MAF: variants seen among roughly 807,000 people sequenced by gnomAD.
MAF encodes the protein transcription factor Maf.
A neutral mutation model predicts 22.0 loss-of-function variants in MAF; 10 were observed. The observed-to-expected ratio is 0.45, with a 90% CI of 0.28 to 0.77. MAF has a LOEUF of 0.77. Ranked by LOEUF, MAF falls within the 30% of genes least tolerant of loss-of-function variation. The pLI is 0.12. For synonymous variants in MAF, 337 were observed against 255.8 expected, an observed-to-expected ratio of 1.32 and a Z score of -3.03; for missense variants, 544 against 548.4, an observed-to-expected ratio of 0.99 and a Z score of 0.08.
the MAF span, among the ~76,000 whole-genome samples, chr16:79,541,897 C>A: frequency 1.2e-4 from 18 of 152,080 alleles, no homozygotes; most frequent in Admixed American, 7.2e-4. Context: ...CTCAAGCGAT[C>A]CACCATCCTC....
the MAF span, among the ~76,000 whole-genome samples, chr16:79,428,746 G>A: frequency 6.6e-6 from 1 of 152,184 alleles, no homozygotes; most frequent in African/African-American, 2.4e-5. Flanking sequence ...TTGGGAGGCT[G>A]AGGTGGGAGT....
At chr16:79,406,903 G>C in the MAF span, among the ~76,000 whole-genome samples, 1 of 152,160 alleles carries the variant, frequency 6.6e-6, no homozygotes, top group African/African-American at 2.4e-5. Flanking sequence ...ACATCCCAGA[G>C]CCAGTAGGGG....
At chr16:79,381,678 C>T in the MAF span, among the ~76,000 whole-genome samples, 1 of 152,172 alleles carries the variant, frequency 6.6e-6, no homozygotes, top group Non-Finnish European at 1.5e-5. Context: ...GTGTGAATCA[C>T]GTGGTTGCTA....
At chr16:79,593,258 CT>C (rs1401794647), downstream of MAF, among the ~76,000 whole-genome samples, 3 of 152,170 alleles carry the variant, frequency 2.0e-5, no homozygotes, top group African/African-American at 7.2e-5. Context: ...CAGCAAAAGC[CT>C]CCCAATGTAC....
the MAF span, among the ~76,000 whole-genome samples, chr16:79,347,189 A>C: frequency 6.6e-6 from 1 of 152,252 alleles, no homozygotes; most frequent in Non-Finnish European, 1.5e-5. Context: ...ATGAGAAAGA[A>C]GGATTCTTGC....
the MAF span, among the ~76,000 whole-genome samples, chr16:79,219,532 C>T: frequency 8.4e-6 from 1 of 119,044 alleles, no homozygotes; most frequent in South Asian, 2.8e-4. Flanking sequence ...GCCTGGGCGA[C>T]AGCGAGACTC....
the MAF span, among the ~76,000 whole-genome samples, chr16:79,343,238 A>ACC: frequency 6.1e-5 from 9 of 146,378 alleles, no homozygotes; most frequent in South Asian, 2.2e-3. Flanking sequence ...ATCAGCCCCA[A>ACC]CCCCCCCCCA....
chr16:79,252,170 T>C, the MAF span, among the ~76,000 whole-genome samples: 1 of 152,234 alleles, frequency 6.6e-6, no homozygotes, highest in East Asian at 1.9e-4. Flanking sequence ...GTTATAAATG[T>C]TGTAGGCTTT....
chr16:79,561,631 A>G, the MAF span, among the ~76,000 whole-genome samples: 2 of 152,098 alleles, frequency 1.3e-5, no homozygotes, highest in African/African-American at 2.4e-5. Context: ...CCATGTCCCT[A>G]CAAAGGAAAC....
At chr16:79,212,579 A>G in the MAF span, 1 of 163,222 alleles carries the variant, frequency 6.1e-6, no homozygotes, top group East Asian at 1.7e-4. Flanking sequence ...TGTCAATCAC[A>G]GTCTCAGTTC....
At chr16:79,274,877 C>T in the MAF span, among the ~76,000 whole-genome samples, 3 of 152,156 alleles carry the variant, frequency 2.0e-5, no homozygotes, top group Non-Finnish European at 2.9e-5. Context: ...AGGACTTTGG[C>T]ATCCAGTTAG....
chr16:79,558,582 CAA>C, the MAF span, among the ~76,000 whole-genome samples: 4 of 152,162 alleles, frequency 2.6e-5, no homozygotes, highest in Non-Finnish European at 5.9e-5. Context: ...CTCCATAACA[CAA>C]AGAGAGGGGA....
the MAF span, among the ~76,000 whole-genome samples, chr16:79,558,202 C>G: frequency 6.6e-6 from 1 of 151,894 alleles, no homozygotes; most frequent in African/African-American, 2.4e-5. Flanking sequence ...TTGGAAACAG[C>G]CGGAAAGAGT....
the MAF span, among the ~76,000 whole-genome samples, chr16:79,458,022 T>C: frequency 1.8e-4 from 28 of 152,182 alleles, no homozygotes; most frequent in African/African-American, 6.7e-4. Context: ...ATATTTTTTT[T>C]TCAATATGGA....
the MAF span, among the ~76,000 whole-genome samples, chr16:79,378,940 T>C: frequency 6.6e-6 from 1 of 152,240 alleles, no homozygotes; most frequent in African/African-American, 2.4e-5. Flanking sequence ...AGGTGGCATT[T>C]ATAAACATCA....
the MAF span, among the ~76,000 whole-genome samples, chr16:79,401,504 A>G: frequency 6.6e-6 from 1 of 152,116 alleles, no homozygotes; most frequent in Non-Finnish European, 1.5e-5. Context: ...CATATATTTT[A>G]TTGGAGCAGG....
the MAF span, among the ~76,000 whole-genome samples, chr16:79,246,583 C>T: frequency 6.7e-6 from 1 of 148,210 alleles, no homozygotes; most frequent in Non-Finnish European, 1.5e-5. Flanking sequence ...TTTCAGTTTA[C>T]TGTTAATGAG....
At chr16:79,536,322 T>A in the MAF span, among the ~76,000 whole-genome samples, 1 of 152,166 alleles carries the variant, frequency 6.6e-6, no homozygotes, top group Non-Finnish European at 1.5e-5. Flanking sequence ...CACCCATGGA[T>A]CCAACCAAAT....
At chr16:79,541,164 A>C in the MAF span, among the ~76,000 whole-genome samples, 2 of 152,118 alleles carry the variant, frequency 1.3e-5, no homozygotes. Context: ...TTGCTATCAC[A>C]ATTACTTTTA....
Sources: gnomAD v4.1 joint callset for allele counts (sites outside exome capture counted in the v4.1 genomes callset) on GRCh38, gnomAD v4.1.1 for gene constraint, MANE v1.5 for transcripts, NCBI Gene and HGNC (gene_info 2026-07-23, HGNC 2026-07-21) for gene names.